PPM1B: variants seen among roughly 807,000 people sequenced by gnomAD.
The protein encoded by PPM1B is protein phosphatase, Mg2+/Mn2+ dependent 1B.
Under a neutral mutation model 43.0 loss-of-function variants are expected in PPM1B, and 22 were observed. That is an observed-to-expected ratio of 0.51 (90% CI 0.37 to 0.73). PPM1B has a LOEUF of 0.73. PPM1B is among the 30% of genes least tolerant of loss of function. The probability of loss-of-function intolerance (pLI) is 0.00; values close to 1 mark genes in which losing one functional copy is unlikely to be tolerated. For synonymous variants in PPM1B, 217 were observed against 197.9 expected (o/e 1.10, Z -0.81); for missense variants, 632 against 584.2 (o/e 1.08, Z -0.84).
intron 1 of PPM1B, among the ~76,000 whole-genome samples, chr2:44,194,463 C>T (rs1172340198): frequency 8.6e-5 from 13 of 151,666 alleles, no homozygotes; most frequent in Admixed American, 8.5e-4. Context: ...TTGGCTCATG[C>T]CTGTAATCCC....
At chr2:44,223,540 T>A (rs557952651) in intron 5 of PPM1B, among the ~76,000 whole-genome samples, 2 of 152,150 alleles carry the variant, frequency 1.3e-5, no homozygotes, top group East Asian at 1.9e-4. Context: ...CCGGGCGCGG[T>A]GGCTCATGCC....
chr2:44,173,697 C>A (rs1277537635), intron 1 of PPM1B, among the ~76,000 whole-genome samples: 2 of 152,208 alleles, frequency 1.3e-5, no homozygotes, highest in Admixed American at 1.3e-4. Context: ...AATCCCAGTA[C>A]TTTGGGAGCC....
In PPM1B at chr2:44,230,520, G is replaced by A. The variant is rs1332962357; in HGVS notation, c.1242G>A (p.Met414Ile). Residue 414 changes from methionine (M) to isoleucine (I), a missense_variant, in exon 6 of 6, where the codon ATG (methionine) becomes ATA (isoleucine). Physicochemically the swap from Met to Ile is conservative, Grantham distance 10. Coordinates refer to ENST00000282412, the MANE Select transcript of PPM1B (RefSeq NM_002706.6). Reference sequence around the variant, plus strand: ...ACTACCGACAACTTCTGGAGGAGATGCTGACTAGTTACAGGCTAGCTAAAG... The same window carrying A: ...ACTACCGACAACTTCTGGAGGAGATACTGACTAGTTACAGGCTAGCTAAAG... ...RGNYRQLLEE[M>I]LTSYRLAKVE... is the part of the protein sequence containing the mutation. 1 of 1,614,144 alleles carries A rather than the reference G, an allele frequency of 6.2e-7. No homozygotes were observed. Among genetic ancestry groups the A allele is most frequent in the Admixed American group, 1.7e-5 (1 of 60,006 alleles).
chr2:44,223,814 TAAAAAAAAA>T (rs58530902), intron 5 of PPM1B, among the ~76,000 whole-genome samples: 6 of 36,034 alleles, frequency 1.7e-4, no homozygotes, highest in African/African-American at 4.1e-4. Flanking sequence ...GGACTCTGTC[TAAAAAAAAA>T]AAAAAAAAAA....
chr2:44,208,529 A>C (rs1167576917), intron 2 of PPM1B, among the ~76,000 whole-genome samples: 1 of 152,052 alleles, frequency 6.6e-6, no homozygotes, highest in Non-Finnish European at 1.5e-5. Context: ...CCTGGTCAAC[A>C]TGGTGAAACC....
exon 6 of PPM1B, chr2:44,244,348 C>A: frequency 7.4e-7 from 1 of 1,358,360 alleles, no homozygotes; most frequent in Non-Finnish European, 9.8e-7. Context: ...TTTTTGTAAA[C>A]CCGAACGAAA....
chr2:44,229,866 C>A, intron 5 of PPM1B: 4 of 824,772 alleles, frequency 4.8e-6, no homozygotes, highest in Non-Finnish European at 3.6e-6. Flanking sequence ...TTATTTTTAT[C>A]TAGAGATGTT....
At chr2:44,217,058 G>T (rs186323155) in intron 3 of PPM1B, among the ~76,000 whole-genome samples, 1 of 151,766 alleles carries the variant, frequency 6.6e-6, no homozygotes, top group Admixed American at 6.6e-5. Flanking sequence ...AAAGAGTAGT[G>T]GAAGTCAACG....
chr2:44,242,447 ATTG>A (rs1327590217), intron 5 of PPM1B, among the ~76,000 whole-genome samples: 1 of 152,166 alleles, frequency 6.6e-6, no homozygotes, highest in African/African-American at 2.4e-5. Context: ...AATAGGTAAA[ATTG>A]TTGTATTTTT....
chr2:44,231,085 T>C lies in PPM1B; in HGVS notation c.*367T>C. On this transcript the variant is annotated 3_prime_UTR_variant, in exon 6 of 6. Transcript: ENST00000282412. ...TAATGTAGAATTATACTGCTTCATA[T>C]TATTTTACCTATTAGTACACTCATA... The C allele has an allele frequency of 1.1e-6, 1 of 902,488 alleles. No homozygotes were observed. Among genetic ancestry groups the C allele is most frequent in the African/African-American group, 1.8e-5 (1 of 55,452 alleles). The allele number at this position is 902,488 out of a possible 1,614,324, so 55.9% of individuals were successfully genotyped here.
chr2:44,188,431 T>G (rs181758567), intron 1 of PPM1B, among the ~76,000 whole-genome samples: 1 of 149,838 alleles, frequency 6.7e-6, no homozygotes, highest in Admixed American at 6.7e-5. Flanking sequence ...GGTCTTGCTT[T>G]GTTGCTCAGG....
intron 1 of PPM1B, among the ~76,000 whole-genome samples, chr2:44,184,464 T>C (rs1442693054): frequency 1.3e-5 from 2 of 152,202 alleles, no homozygotes; most frequent in African/African-American, 4.8e-5. Context: ...TAGTGTCTTC[T>C]CTTTTTAAAT....
chr2:44,234,663 T>G (rs1670563711), downstream of PPM1B: 1 of 978,386 alleles, frequency 1.0e-6, no homozygotes, highest in African/African-American at 1.8e-5. Flanking sequence ...AGCCTGGCTA[T>G]TCTCAAGTAT....
intron 2 of PPM1B, among the ~76,000 whole-genome samples, chr2:44,206,420 G>C (rs997681834): frequency 6.6e-6 from 1 of 152,176 alleles, no homozygotes; most frequent in Non-Finnish European, 1.5e-5. Flanking sequence ...GCCAGGCAAG[G>C]TGGCTAAGAA....
chr2:44,202,450 T>A (rs1474270171), intron 2 of PPM1B, among the ~76,000 whole-genome samples: 1 of 152,228 alleles, frequency 6.6e-6, no homozygotes, highest in Non-Finnish European at 1.5e-5. Context: ...TTGGAAGATG[T>A]ACTAGATGCC....
chr2:44,200,750 C>G (rs1232852366), intron 1 of PPM1B, among the ~76,000 whole-genome samples: 1 of 152,180 alleles, frequency 6.6e-6, no homozygotes, highest in Non-Finnish European at 1.5e-5. Flanking sequence ...AACAAGATGA[C>G]TCACTGTTTT....
At chr2:44,186,124 G>A (rs1315099559) in intron 1 of PPM1B, among the ~76,000 whole-genome samples, 1 of 151,800 alleles carries the variant, frequency 6.6e-6, no homozygotes, top group African/African-American at 2.4e-5. Flanking sequence ...GGTGTTATTA[G>A]TATGTGACTT....
chr2:44,218,405 A>G (rs1010386126), intron 4 of PPM1B, 75 bp from the exon 5 acceptor site: 2 of 1,135,478 alleles, frequency 1.8e-6, no homozygotes, highest in African/African-American at 1.6e-5. Flanking sequence ...TGTGGTCAGG[A>G]TGAAATATTG....
At chr2:44,180,846 G>A (rs6544746) in intron 1 of PPM1B, among the ~76,000 whole-genome samples, 121,199 of 151,654 alleles carry the variant, frequency 0.8, 48,552 homozygotes, top group South Asian at 0.9. Flanking sequence ...GAATTAGGGT[G>A]GGAAAGGAGC....
Sources: allele counts gnomAD v4.1 joint callset (sites outside exome capture counted in the v4.1 genomes callset), GRCh38; gene constraint gnomAD v4.1.1; transcripts MANE v1.5; gene names NCBI Gene and HGNC (gene_info 2026-07-23, HGNC 2026-07-21).